DMD: variants seen among roughly 807,000 people sequenced by gnomAD.
DMD encodes dystrophin, also known as mutant dystrophin.
A neutral mutation model predicts 330.1 loss-of-function variants in DMD; 63 were observed. The observed-to-expected ratio is 0.19, with a 90% CI of 0.16 to 0.24. The LOEUF is 0.24. DMD is among the 10% of genes least tolerant of loss of function. The probability of loss-of-function intolerance (pLI) is 1.00; values close to 1 mark genes in which losing one functional copy is unlikely to be tolerated. For synonymous variants in DMD, 1,223 were observed against 959.8 expected (o/e 1.27, Z -5.07); for missense variants, 3,344 against 2,684.1 (o/e 1.25, Z -5.43).
rs975930139 is a variant in DMD, at chrX:33,087,847, T to C, written c.32-67647A>G. 3.6e-5 allele frequency among the ~76,000 whole-genome samples: 4 copies of C among 111,367 alleles called. No homozygotes were observed. The South Asian group carries it at 1.5e-3, about 42-fold the overall frequency. On this transcript the variant is annotated intron_variant, in intron 1 of 78. Transcript: ENST00000357033. ...TTCTTGATTATTTCTGAGTTCTTTT[T>C]GGATCTTTATGACTTCTTTATATTC...
chrX:32,195,394 A>G (rs971662921), intron 44 of DMD, among the ~76,000 whole-genome samples: 1 of 111,621 alleles, frequency 9.0e-6, no homozygotes, highest in Non-Finnish European at 1.9e-5. Context: ...GTAGAAATGG[A>G]TGCTATCACC....
rs1387643982 is a variant in DMD, at chrX:31,413,762, G to A, written c.9084+30719C>T. Among the ~76,000 whole-genome samples, 3 of 109,921 alleles carry A rather than the reference G, an allele frequency of 2.7e-5. No homozygotes were observed. In the East Asian group the frequency reaches 8.6e-4, roughly 32 times the overall value. On this transcript the variant is annotated intron_variant, in intron 60 of 78. Coordinates refer to ENST00000357033, the MANE Select transcript of DMD (RefSeq NM_004006.3). ...TTTCTCTCCATGTATAATTCATGTA[G>A]TTTAATAAGATTGTGAGCAGCCACG...
intron 2 of DMD, among the ~76,000 whole-genome samples, chrX:32,861,043 T>C (rs1225838258): frequency 1.8e-5 from 2 of 111,905 alleles, no homozygotes; most frequent in African/African-American, 6.5e-5. Context: ...CCAGAATGCC[T>C]TGGGTTCAAC....
At chrX:32,967,532 G>A (rs2092208716) in intron 2 of DMD, among the ~76,000 whole-genome samples, 1 of 111,299 alleles carries the variant, frequency 9.0e-6, no homozygotes, top group Non-Finnish European at 1.9e-5. Context: ...TTAACCTGAA[G>A]AATGCTGCTT....
chrX:33,149,382 C>A (rs1481726365), intron 1 of DMD, among the ~76,000 whole-genome samples: 3 of 111,605 alleles, frequency 2.7e-5, no homozygotes, highest in African/African-American at 9.8e-5. Context: ...AGGGTTCAGG[C>A]AGTAATGCCA....
At chrX:32,529,226 A>T (rs1460356827) in intron 17 of DMD, among the ~76,000 whole-genome samples, 1 of 107,816 alleles carries the variant, frequency 9.3e-6, no homozygotes, top group African/African-American at 3.4e-5. Context: ...CGCCAGGTCA[A>T]ACCAATGTAT....
chrX:31,904,564 C>T lies in DMD; in HGVS notation c.6912+25032G>A, dbSNP rs774282455. ...CTTTCCCCCCTCCCCCACTTTCTCT[C>T]ACTGATTTTGATGAGGCAAATTGCC... is the stretch of plus-strand genomic sequence containing the variant. On this transcript the variant is annotated intron_variant, in intron 47 of 78. Coordinates refer to ENST00000357033, the MANE Select transcript of DMD (RefSeq NM_004006.3). Among the ~76,000 whole-genome samples, 38 of 111,830 alleles carry T rather than the reference C, an allele frequency of 3.4e-4. 1 individual carries two copies. Among genetic ancestry groups the T allele is most frequent in the African/African-American group, 1.2e-3 (37 of 30,817 alleles).
At chrX:31,285,316 T>C (rs1198803637) in intron 62 of DMD, among the ~76,000 whole-genome samples, 1 of 112,339 alleles carries the variant, frequency 8.9e-6, no homozygotes, top group Non-Finnish European at 1.9e-5. Flanking sequence ...AAGCTTACCA[T>C]ATTTAGGCTG....
At chrX:32,611,161 T>C (rs2046464562) in intron 12 of DMD, among the ~76,000 whole-genome samples, 1 of 109,935 alleles carries the variant, frequency 9.1e-6, no homozygotes, top group African/African-American at 3.3e-5. Context: ...AAGAGCATTA[T>C]CAATATTCAG....
At chrX:32,263,287 G>T (rs1462107857) in intron 43 of DMD, among the ~76,000 whole-genome samples, 6 of 111,923 alleles carry the variant, frequency 5.4e-5, no homozygotes, top group African/African-American at 1.9e-4. Flanking sequence ...AGGAGATATG[G>T]CTGATTGCAT....
At chrX:31,932,706 A>G (rs1048669402) in intron 45 of DMD, among the ~76,000 whole-genome samples, 8 of 112,257 alleles carry the variant, frequency 7.1e-5, no homozygotes, top group Non-Finnish European at 1.5e-4. Flanking sequence ...AGATCGTGCC[A>G]CTGCACTCCA....
intron 47 of DMD, among the ~76,000 whole-genome samples, chrX:31,893,349 T>A (rs7889241): frequency 0.33 from 36,729 of 110,111 alleles, 4,784 homozygotes; most frequent in African/African-American, 0.45. Flanking sequence ...GGCCTCCATG[T>A]TTAATTGATC....
intron 2 of DMD, among the ~76,000 whole-genome samples, chrX:32,905,273 G>C (rs1038408503): frequency 9.0e-6 from 1 of 111,308 alleles, no homozygotes; most frequent in East Asian, 2.8e-4. Context: ...TCACTAACTT[G>C]GTGAGAACTT....
intron 60 of DMD, among the ~76,000 whole-genome samples, chrX:31,407,715 C>T (rs1456551772): frequency 9.4e-6 from 1 of 106,359 alleles, no homozygotes; most frequent in African/African-American, 3.4e-5. Flanking sequence ...CTCCTGACCT[C>T]GTGATCCATC....
At chrX:32,687,856 C>T (rs2062993634) in intron 9 of DMD, among the ~76,000 whole-genome samples, 1 of 111,075 alleles carries the variant, frequency 9.0e-6, no homozygotes, top group Middle Eastern at 4.3e-3. Flanking sequence ...CACAGGTGAG[C>T]TAAGCATTAC....
At chrX:33,208,130 T>G (rs2148853203) in intron 1 of DMD, among the ~76,000 whole-genome samples, 1 of 111,715 alleles carries the variant, frequency 9.0e-6, no homozygotes, top group Non-Finnish European at 1.9e-5. Flanking sequence ...ATATTTCAAA[T>G]AACTGCACCG....
At chrX:31,241,513 A>C (rs2048282414) in intron 63 of DMD, among the ~76,000 whole-genome samples, 1 of 112,048 alleles carries the variant, frequency 8.9e-6, no homozygotes, top group African/African-American at 3.2e-5. Flanking sequence ...ATTCATATCT[A>C]TTCCCTGTTG....
intron 44 of DMD, among the ~76,000 whole-genome samples, chrX:32,083,831 G>A (rs2096411615): frequency 8.9e-6 from 1 of 112,519 alleles, no homozygotes; most frequent in Admixed American, 9.4e-5. Flanking sequence ...GTTCTAGCCT[G>A]CTCTTCTGTG....
chrX:31,831,655 G>A (rs1406869843), intron 49 of DMD, among the ~76,000 whole-genome samples: 2 of 111,346 alleles, frequency 1.8e-5, no homozygotes, highest in East Asian at 2.8e-4. Context: ...CTGGAGTGCA[G>A]TGGCGTGATC....
Sources: gnomAD v4.1 joint callset for allele counts (sites outside exome capture counted in the v4.1 genomes callset) on GRCh38, gnomAD v4.1.1 for gene constraint, MANE v1.5 for transcripts, NCBI Gene and HGNC (gene_info 2026-07-23, HGNC 2026-07-21) for gene names.